RIN3: variants seen among roughly 807,000 people sequenced by gnomAD.
The protein encoded by RIN3 is RAB5 interacting protein 3.
Under a neutral mutation model 76.3 loss-of-function variants are expected in RIN3, and 54 were observed. The observed-to-expected ratio is 0.71, with a 90% confidence interval of 0.57 to 0.89. RIN3 has a LOEUF of 0.89. RIN3 is among the 40% of genes least tolerant of loss of function. The pLI is 0.00. For missense variants in RIN3, 1,256 were observed against 1,322.1 expected (o/e 0.95, Z 0.78); for synonymous variants, 576 against 564.0 (o/e 1.02, Z -0.30).
chr14:92,521,060 C>T (rs1896584362), intron 1 of RIN3, among the ~76,000 whole-genome samples: 1 of 152,126 alleles, frequency 6.6e-6, no homozygotes, highest in African/African-American at 2.4e-5. Flanking sequence ...TATCTTCACC[C>T]ATCCTCCTAA....
chr14:92,651,513 C>A, intron 5 of RIN3, 69 bp from the exon 6 acceptor site: 22 of 603,956 alleles, frequency 3.6e-5, no homozygotes, highest in Non-Finnish European at 5.4e-5. Context: ...CGCCCACAGA[C>A]CCCGCCCAGC....
chr14:92,687,762 C>G (rs1411035879), intron 9 of RIN3, 164 bp from the exon 10 acceptor site: 5 of 598,472 alleles, frequency 8.4e-6, no homozygotes, highest in African/African-American at 2.3e-5. Flanking sequence ...GGGGGACGGG[C>G]CCCCCGCAGG....
chr14:92,603,624 T>C (rs1885421705), intron 3 of RIN3, among the ~76,000 whole-genome samples: 1 of 152,210 alleles, frequency 6.6e-6, no homozygotes, highest in Admixed American at 6.5e-5. Flanking sequence ...AAACAAGAGC[T>C]TGCCTGTGCC....
intron 1 of RIN3, among the ~76,000 whole-genome samples, chr14:92,519,556 GA>G (rs1447724432): frequency 2.6e-5 from 4 of 152,196 alleles, no homozygotes; most frequent in African/African-American, 9.7e-5. Flanking sequence ...TGGCTGTTTA[GA>G]GACCGTCTGT....
At position 92,537,634 on chromosome 14, in the gene RIN3, C is replaced by CTTTTTTTTTTTTTTTTTTTTTTTT. The variant is rs576683908; in HGVS notation, c.45-18113_45-18090dup. 3.3e-4 allele frequency among the ~76,000 whole-genome samples: 17 copies of CTTTTTTTTTTTTTTTTTTTTTTTT among 51,636 alleles called. 3 individuals are homozygous for CTTTTTTTTTTTTTTTTTTTTTTTT. Among genetic ancestry groups the CTTTTTTTTTTTTTTTTTTTTTTTT allele is most frequent in the East Asian group, 7.9e-4 (1 of 1,264 alleles). The allele number at this position is 51,636 out of a possible 152,430, so 33.9% of individuals were successfully genotyped here. A position where few individuals can be genotyped will look rare whatever the true frequency, so the allele number is the denominator to read the frequency against. On this transcript the variant is annotated intron_variant, in intron 1 of 9. Coordinates refer to ENST00000216487, the MANE Select transcript of RIN3 (RefSeq NM_024832.5). ...CAGCTATAAGTGAGTGCCTTAGGGACTTTTTTTTTTTTTTTTTTTTTTTTT... is the reference window on the plus strand; with the variant it reads ...CAGCTATAAGTGAGTGCCTTAGGGACTTTTTTTTTTTTTTTTTTTTTTTTTTTTTTTTTTTTTTTTTTTTTTTTT...
chr14:92,536,812 CCCTA>C (rs1265307197), intron 1 of RIN3, among the ~76,000 whole-genome samples: 1 of 151,628 alleles, frequency 6.6e-6, no homozygotes. Context: ...AATTCTGTAG[CCCTA>C]CTGACTATGT....
chr14:92,594,673 A>G (rs946306355), intron 3 of RIN3, among the ~76,000 whole-genome samples: 4 of 152,274 alleles, frequency 2.6e-5, no homozygotes, highest in African/African-American at 9.6e-5. Flanking sequence ...AACAGTGCTT[A>G]GAGGAAAATT....
chr14:92,531,524 G>T (rs890098959), intron 1 of RIN3, among the ~76,000 whole-genome samples: 1 of 152,232 alleles, frequency 6.6e-6, no homozygotes, highest in African/African-American at 2.4e-5. Flanking sequence ...GGCTTTGCAA[G>T]GGCACCTGGG....
At chr14:92,594,641 G>A (rs1460658250) in intron 3 of RIN3, among the ~76,000 whole-genome samples, 2 of 152,134 alleles carry the variant, frequency 1.3e-5, no homozygotes, top group South Asian at 4.1e-4. Context: ...ACAACTTACC[G>A]AGCTTTGTAG....
chr14:92,660,641 C>T (rs1263962938), intron 7 of RIN3, among the ~76,000 whole-genome samples: 2 of 152,248 alleles, frequency 1.3e-5, no homozygotes, highest in Middle Eastern at 3.2e-3. Context: ...GGCATGATGT[C>T]ACTCTGATGC....
intron 1 of RIN3, among the ~76,000 whole-genome samples, chr14:92,518,417 C>G (rs1047879920): frequency 3.9e-5 from 6 of 152,160 alleles, no homozygotes; most frequent in African/African-American, 1.4e-4. Flanking sequence ...TGGCCTAGAT[C>G]ACAGGGCGGG....
intron 3 of RIN3, among the ~76,000 whole-genome samples, chr14:92,602,319 G>A (rs931599039): frequency 3.9e-5 from 6 of 152,248 alleles, no homozygotes; most frequent in Non-Finnish European, 5.9e-5. Context: ...GGGACTGCCC[G>A]ATGACAGGGG....
chr14:92,537,045 G>A (rs755432140), intron 1 of RIN3, among the ~76,000 whole-genome samples: 1 of 152,056 alleles, frequency 6.6e-6, no homozygotes, highest in Non-Finnish European at 1.5e-5. Flanking sequence ...CAGTGAAGAA[G>A]TTTTCCCACC....
At chr14:92,583,716 A>C (rs1884648555) in intron 3 of RIN3, among the ~76,000 whole-genome samples, 1 of 152,224 alleles carries the variant, frequency 6.6e-6, no homozygotes, top group Non-Finnish European at 1.5e-5. Flanking sequence ...CACCAGCTTC[A>C]TCCATGTCCC....
chr14:92,570,254 G>T (rs1898027069), intron 2 of RIN3, among the ~76,000 whole-genome samples: 1 of 152,170 alleles, frequency 6.6e-6, no homozygotes, highest in African/African-American at 2.4e-5. Flanking sequence ...CTCCTGCTCT[G>T]CCTTTCTTTC....
intron 3 of RIN3, among the ~76,000 whole-genome samples, chr14:92,604,992 T>C (rs9671271): frequency 0.52 from 74,162 of 142,868 alleles, 19,630 homozygotes; most frequent in Admixed American, 0.63. Flanking sequence ...TCATTGCAAC[T>C]TCCACCTCCT....
intron 7 of RIN3, among the ~76,000 whole-genome samples, chr14:92,669,917 A>G (rs1888230133): frequency 6.6e-6 from 1 of 152,116 alleles, no homozygotes; most frequent in African/African-American, 2.4e-5. Context: ...CTTTTAGACA[A>G]TGCTTCCTCA....
chr14:92,640,201 G>A (rs1209688140), intron 4 of RIN3, among the ~76,000 whole-genome samples: 4 of 85,680 alleles, frequency 4.7e-5, no homozygotes, highest in Admixed American at 1.2e-4. Flanking sequence ...TGTGTTCATC[G>A]GGGGCTGCCT....
Position 92,563,964 on chromosome 14 carries a change from G to T in RIN3, c.249+8009G>T, listed in dbSNP as rs563876141. On this transcript the variant is annotated intron_variant, in intron 2 of 9. Transcript: ENST00000216487. ...TCAGAGTCAGGACTGAGGATATGAG[G>T]ACCTTTGTCCAGGATGGGCCCCAGC... Among the ~76,000 whole-genome samples, 7 of 152,270 alleles carry T rather than the reference G, an allele frequency of 4.6e-5. No homozygotes were observed. In the East Asian group the frequency reaches 1.4e-3, roughly 29 times the overall value.
Sources: allele counts gnomAD v4.1 joint callset (sites outside exome capture counted in the v4.1 genomes callset), GRCh38; gene constraint gnomAD v4.1.1; transcripts MANE v1.5; gene names NCBI Gene and HGNC (gene_info 2026-07-23, HGNC 2026-07-21).